NBAS: variants seen among roughly 807,000 people sequenced by gnomAD.
NBAS encodes the protein NBAS subunit of NRZ tethering complex, also known as NAG/BC035112 fusion.
In NBAS, 219 loss-of-function variants were observed where a neutral mutation model predicts 302.5. The ratio of observed to expected loss-of-function variants is 0.72; its 90% CI spans 0.65 to 0.81. NBAS has a LOEUF of 0.81. Ranked by LOEUF, NBAS falls within the 30% of genes least tolerant of loss-of-function variation. The pLI, the probability that NBAS is intolerant of heterozygous loss-of-function variation, is 0.00. For synonymous variants in NBAS, 1,118 were observed against 1,021.6 expected (o/e 1.09, Z -1.80); for missense variants, 2,932 against 2,841.6 (o/e 1.03, Z -0.72).
chr2:15,474,202 A>T lies in NBAS; in HGVS notation c.1464T>A (p.Tyr488Ter), dbSNP rs1680085689. ...TCACCAAGTAAAGGCCCTGTTTTAT[A>T]TAACCAAAGTAGCGAGCCTTGGCAG... ...EISAKARYFG[Y>*]IKQGLYLVTE... The change falls in exon 15 of 52, where the codon TAT (tyrosine) becomes TAA (stop). Residue 488 changes from tyrosine to a stop codon, truncating the protein, a stop_gained. Transcript: ENST00000281513. LOFTEE classifies it high-confidence loss of function. 6.2e-7 allele frequency: 1 copy of T among 1,614,170 alleles called. No homozygotes were observed. The highest frequency in any genetic ancestry group is 8.5e-7 in the Non-Finnish European group (1 of 1,180,028).
At chr2:15,252,416 T>G (rs1668406274) in intron 44 of NBAS, among the ~76,000 whole-genome samples, 1 of 152,016 alleles carries the variant, frequency 6.6e-6, no homozygotes, top group African/African-American at 2.4e-5. Context: ...GAGAATCACT[T>G]GAACCCGGGA....
the NBAS span, among the ~76,000 whole-genome samples, chr2:14,902,070 T>C: frequency 2.2e-4 from 33 of 152,246 alleles, no homozygotes; most frequent in African/African-American, 8.0e-4. Context: ...TTCTTTCTTC[T>C]GTAAAATGGG....
At chr2:15,345,186 G>C (rs1158734587) in intron 35 of NBAS, among the ~76,000 whole-genome samples, 1 of 152,006 alleles carries the variant, frequency 6.6e-6, no homozygotes, top group Non-Finnish European at 1.5e-5. Context: ...AGAAATAAAG[G>C]GTATTCAAAT....
chr2:15,024,341 T>C, the NBAS span, among the ~76,000 whole-genome samples: 2 of 152,230 alleles, frequency 1.3e-5, no homozygotes, highest in Admixed American at 6.5e-5. Flanking sequence ...TATTACATGG[T>C]ATATATGTAC....
intron 44 of NBAS, among the ~76,000 whole-genome samples, chr2:15,249,745 C>T (rs538514924): frequency 2.6e-5 from 4 of 152,240 alleles, no homozygotes; most frequent in East Asian, 3.9e-4. Flanking sequence ...AGGAATACAA[C>T]TTACAAGGGA....
At chr2:15,341,382 T>C (rs1349501494) in intron 35 of NBAS, among the ~76,000 whole-genome samples, 1 of 145,598 alleles carries the variant, frequency 6.9e-6, no homozygotes, top group East Asian at 2.0e-4. Context: ...CGAGACACTA[T>C]CTCTAATAAA....
intron 40 of NBAS, among the ~76,000 whole-genome samples, chr2:15,307,053 C>T (rs576690602): frequency 6.6e-5 from 10 of 152,252 alleles, no homozygotes; most frequent in South Asian, 4.1e-4. Context: ...CCTCCCCTCC[C>T]GGGGGATGTG....
the NBAS span, among the ~76,000 whole-genome samples, chr2:14,808,781 A>G: frequency 6.6e-6 from 1 of 152,246 alleles, no homozygotes; most frequent in Admixed American, 6.5e-5. Flanking sequence ...GAGGGCTCAG[A>G]TGACAGAAAA....
At chr2:15,286,982 A>C in intron 42 of NBAS, 91 bp downstream of exon 42, 1 of 1,091,908 alleles carries the variant, frequency 9.2e-7, no homozygotes, top group Non-Finnish European at 1.4e-6. Context: ...AGGAAAACTA[A>C]AATTGTACTT....
the NBAS span, among the ~76,000 whole-genome samples, chr2:14,951,480 C>T: frequency 3.3e-5 from 5 of 152,144 alleles, no homozygotes; most frequent in Non-Finnish European, 5.9e-5. Context: ...GGAGAGCCCA[C>T]CTGAGTATGG....
chr2:14,793,920 A>T, the NBAS span, among the ~76,000 whole-genome samples: 1 of 152,184 alleles, frequency 6.6e-6, no homozygotes, highest in East Asian at 1.9e-4. Context: ...GTACCGTGAA[A>T]AAAAATGCTA....
At chr2:15,500,130 A>C (rs540660456) in intron 11 of NBAS, among the ~76,000 whole-genome samples, 247 of 152,322 alleles carry the variant, frequency 1.6e-3, no homozygotes, top group African/African-American at 5.7e-3. Flanking sequence ...TAAACATCAG[A>C]CCTTTGTACT....
In NBAS at chr2:15,534,655, G is replaced by T; in HGVS notation, c.648-14C>A. The T allele has an allele frequency of 6.3e-7, 1 of 1,581,662 alleles. No homozygotes were observed. Among genetic ancestry groups the T allele is most frequent in the Non-Finnish European group, 8.7e-7 (1 of 1,150,762 alleles). On this transcript the variant is annotated splice_polypyrimidine_tract_variant and intron_variant, in intron 8 of 51. Transcript: ENST00000281513. ...TTTGTTCCAACACTAAATTTAAGAG[G>T]GTATGAAAGAAGTAAATACCATTAA...
chr2:15,316,780 C>T (rs1671534726), intron 38 of NBAS, among the ~76,000 whole-genome samples: 1 of 152,238 alleles, frequency 6.6e-6, no homozygotes, highest in Non-Finnish European at 1.5e-5. Context: ...TCTACAGACT[C>T]CACATCCGTG....
At chr2:15,033,884 T>A in the NBAS span, among the ~76,000 whole-genome samples, 1 of 150,864 alleles carries the variant, frequency 6.6e-6, no homozygotes, top group Non-Finnish European at 1.5e-5. Flanking sequence ...GGGGGCAGAG[T>A]TTGCAGTAAA....
At chr2:15,211,567 C>T (rs1572456663) in intron 48 of NBAS, among the ~76,000 whole-genome samples, 3 of 152,260 alleles carry the variant, frequency 2.0e-5, no homozygotes, top group African/African-American at 7.2e-5. Flanking sequence ...TTTTATTTTT[C>T]GTGACAATTT....
At chr2:15,310,773 T>C (rs1671237264) in intron 38 of NBAS, among the ~76,000 whole-genome samples, 1 of 152,188 alleles carries the variant, frequency 6.6e-6, no homozygotes, top group African/African-American at 2.4e-5. Flanking sequence ...CCAGGATGCT[T>C]CCCCACCTGG....
chr2:15,366,109 A>C (rs148456717), intron 32 of NBAS, among the ~76,000 whole-genome samples: 2 of 152,230 alleles, frequency 1.3e-5, no homozygotes, highest in African/African-American at 4.8e-5. Context: ...ACCCCACCAA[A>C]TAGTAAATGC....
chr2:14,880,816 A>T, the NBAS span, among the ~76,000 whole-genome samples: 6 of 152,056 alleles, frequency 3.9e-5, no homozygotes, highest in Non-Finnish European at 8.8e-5. Flanking sequence ...AAAAAGACCT[A>T]CAATGTACCT....
Sources: gnomAD v4.1 joint callset for allele counts (sites outside exome capture counted in the v4.1 genomes callset) on GRCh38, gnomAD v4.1.1 for gene constraint, MANE v1.5 for transcripts, NCBI Gene and HGNC (gene_info 2026-07-23, HGNC 2026-07-21) for gene names.